The following NRG3 variants were observed in gnomAD, a reference collection of about 807,000 sequenced individuals.
NRG3 encodes the protein neuregulin 3.
Under a neutral mutation model 66.9 loss-of-function variants are expected in NRG3, and 31 were observed. The ratio of observed to expected loss-of-function variants is 0.46; its 90% CI spans 0.35 to 0.63. The LOEUF is 0.63. Ranked by LOEUF, NRG3 falls within the 20% of genes least tolerant of loss-of-function variation. The pLI, the probability that NRG3 is intolerant of heterozygous loss-of-function variation, is 0.00. For missense variants in NRG3, 910 were observed against 878.9 expected, an observed-to-expected ratio of 1.04 and a Z score of -0.45; for synonymous variants, 393 against 359.4, an observed-to-expected ratio of 1.09 and a Z score of -1.06.
intron 2 of NRG3, among the ~76,000 whole-genome samples, chr10:82,486,345 C>T (rs1054968076): frequency 6.6e-6 from 1 of 151,888 alleles, no homozygotes; most frequent in Non-Finnish European, 1.5e-5. Context: ...TCATAGTAGT[C>T]AAGAGGTAGA....
intron 6 of NRG3, among the ~76,000 whole-genome samples, chr10:82,971,083 G>A (rs1380109548): frequency 6.6e-6 from 1 of 152,056 alleles, no homozygotes; most frequent in African/African-American, 2.4e-5. Flanking sequence ...AGAGAAAGGC[G>A]AAGGGTGCCA....
intron 2 of NRG3, among the ~76,000 whole-genome samples, chr10:82,416,802 C>T (rs1328236826): frequency 1.3e-5 from 2 of 152,096 alleles, no homozygotes; most frequent in Non-Finnish European, 2.9e-5. Context: ...GTGAGAAAGT[C>T]AGGTCTAAAT....
At chr10:82,561,845 G>A (rs956439046) in intron 2 of NRG3, among the ~76,000 whole-genome samples, 1 of 152,174 alleles carries the variant, frequency 6.6e-6, no homozygotes, top group Non-Finnish European at 1.5e-5. Flanking sequence ...AGACATAGAG[G>A]TGAGGAGATG....
chr10:82,408,267 C>A (rs942298402), intron 2 of NRG3, among the ~76,000 whole-genome samples: 1 of 151,946 alleles, frequency 6.6e-6, no homozygotes, highest in African/African-American at 2.4e-5. Context: ...GAGGATGCCC[C>A]AAAAAGAGTA....
chr10:81,880,163 G>T (rs868710169), intron 1 of NRG3, among the ~76,000 whole-genome samples: 1 of 151,916 alleles, frequency 6.6e-6, no homozygotes. Context: ...GCACTTCATG[G>T]TCCTAATTAA....
At chr10:81,880,114 CA>C (rs1842044588) in intron 1 of NRG3, among the ~76,000 whole-genome samples, 1 of 152,064 alleles carries the variant, frequency 6.6e-6, no homozygotes. Context: ...CTGCTTTAAT[CA>C]ATTATGCTGT....
At chr10:82,161,540 T>C (rs1461850756) in intron 1 of NRG3, among the ~76,000 whole-genome samples, 1 of 152,066 alleles carries the variant, frequency 6.6e-6, no homozygotes, top group East Asian at 1.9e-4. Flanking sequence ...AGATATTTTT[T>C]CCCCAGTTTT....
chr10:82,094,544 A>T (rs1432165680), intron 1 of NRG3, among the ~76,000 whole-genome samples: 3 of 152,202 alleles, frequency 2.0e-5, no homozygotes, highest in Admixed American at 1.3e-4. Context: ...CTGCATTTGT[A>T]TGTTTATCAC....
chr10:82,174,041 G>T (rs939832880), intron 1 of NRG3, among the ~76,000 whole-genome samples: 1 of 152,012 alleles, frequency 6.6e-6, no homozygotes, highest in African/African-American at 2.4e-5. Flanking sequence ...TATTACAGTG[G>T]CTACCGGAAA....
At chr10:81,880,144 A>G (rs768632500) in intron 1 of NRG3, among the ~76,000 whole-genome samples, 25 of 152,050 alleles carry the variant, frequency 1.6e-4, no homozygotes, top group Non-Finnish European at 2.8e-4. Flanking sequence ...ACTGTTACAC[A>G]CTTATGTTGC....
chr10:82,588,052 T>C (rs115255399), intron 2 of NRG3, among the ~76,000 whole-genome samples: 363 of 152,340 alleles, frequency 2.4e-3, no homozygotes, highest in African/African-American at 8.2e-3. Flanking sequence ...TGAGAGCTGC[T>C]GGGTTCAAAA....
chr10:82,590,897 C>T (rs530090051), intron 2 of NRG3, among the ~76,000 whole-genome samples: 79 of 152,300 alleles, frequency 5.2e-4, no homozygotes, highest in South Asian at 1.0e-3. Context: ...TGGCCAAGAA[C>T]GCTGTCAGGC....
chr10:82,929,545 C>G (rs534593772), intron 4 of NRG3, among the ~76,000 whole-genome samples: 2 of 152,084 alleles, frequency 1.3e-5, no homozygotes, highest in East Asian at 3.9e-4. Context: ...GTTTGTCTTC[C>G]TTGGTGACTG....
chr10:82,049,612 T>C (rs1332447595), intron 1 of NRG3, among the ~76,000 whole-genome samples: 1 of 152,142 alleles, frequency 6.6e-6, no homozygotes, highest in African/African-American at 2.4e-5. Flanking sequence ...TTTTGGATTT[T>C]TATGTGAGAT....
At chr10:82,359,825 C>G (rs1453390625) in intron 2 of NRG3, among the ~76,000 whole-genome samples, 3 of 152,080 alleles carry the variant, frequency 2.0e-5, no homozygotes, top group Non-Finnish European at 4.4e-5. Context: ...TTATAAAACT[C>G]TATTCCCATG....
At chr10:82,018,030 A>T (rs2061871374) in intron 1 of NRG3, among the ~76,000 whole-genome samples, 2 of 152,088 alleles carry the variant, frequency 1.3e-5, no homozygotes, top group South Asian at 4.1e-4. Flanking sequence ...TATGTCTTGA[A>T]TTGCCTAGGC....
At chr10:82,855,094 G>A (rs771796393) in intron 3 of NRG3, among the ~76,000 whole-genome samples, 1 of 152,120 alleles carries the variant, frequency 6.6e-6, no homozygotes, top group Non-Finnish European at 1.5e-5. Flanking sequence ...GGGGTGAGTT[G>A]TCTTTGGCGT....
intron 2 of NRG3, among the ~76,000 whole-genome samples, chr10:82,488,905 C>T (rs942303846): frequency 6.6e-6 from 1 of 152,076 alleles, no homozygotes; most frequent in Non-Finnish European, 1.5e-5. Context: ...TTACTCTTGC[C>T]TTGAATTGTG....
chr10:81,924,520 C>G (rs1314901726), intron 1 of NRG3, among the ~76,000 whole-genome samples: 1 of 152,132 alleles, frequency 6.6e-6, no homozygotes, highest in Non-Finnish European at 1.5e-5. Context: ...AGCTGTTCAG[C>G]TTTCTTATAA....
Sources: allele counts gnomAD v4.1 joint callset (sites outside exome capture counted in the v4.1 genomes callset), GRCh38; gene constraint gnomAD v4.1.1; transcripts MANE v1.5; gene names NCBI Gene and HGNC (gene_info 2026-07-23, HGNC 2026-07-21).